Variants in ZBTB38 observed in about 807,000 individuals in gnomAD.
The protein encoded by ZBTB38 is zinc finger and BTB domain-containing protein 38.
A neutral mutation model predicts 76.8 loss-of-function variants in ZBTB38; 20 were observed. That is an observed-to-expected ratio of 0.26 (90% CI 0.18 to 0.38). The LOEUF (loss-of-function observed/expected upper bound fraction) is 0.38, where lower values mean the gene tolerates loss of function less well. Ranked by LOEUF, ZBTB38 falls within the 10% of genes least tolerant of loss-of-function variation. The pLI is 1.00. For missense variants in ZBTB38, 1,082 were observed against 1,482.3 expected (o/e 0.73, Z 4.43); for synonymous variants, 504 against 544.2 (o/e 0.93, Z 1.03).
intron 4 of ZBTB38, among the ~76,000 whole-genome samples, chr3:141,397,144 A>C (rs1033186754): frequency 5.9e-5 from 9 of 152,248 alleles, no homozygotes; most frequent in Non-Finnish European, 1.2e-4. Flanking sequence ...CACCTTCATC[A>C]ATTGTCTTAG....
At position 141,443,678 on chromosome 3, in the gene ZBTB38, T is replaced by G; in HGVS notation, c.1290T>G (p.Ser430=). The change falls in exon 6 of 6, where the codon TCT becomes TCG. Residue 430 remains serine (S), a synonymous_variant. Coordinates refer to ENST00000321464, the MANE Select transcript of ZBTB38 (RefSeq NM_001376113.1). This position sits in a 1 kb window ranked among gnomAD's most constrained non-coding sequence, Gnocchi z 5.6. ...GSFTGPEPLL[S]ENRIGEFSST... ...TCACAGGTCCAGAACCTTTATTATC[T>G]GAAAATAGGATTGGTGAATTTTCCA... The G allele has an allele frequency of 6.2e-7, 1 of 1,614,194 alleles. No individual in the cohort carries two copies. The highest frequency in any genetic ancestry group is 8.5e-7 in the Non-Finnish European group (1 of 1,180,046).
Position 141,381,751 on chromosome 3 carries a change from C to T in ZBTB38, c.-172+264C>T, listed in dbSNP as rs1224164969. Among the ~76,000 whole-genome samples the T allele has an allele frequency of 2.0e-5, 3 of 152,174 alleles. No individual in the cohort carries two copies. The East Asian group carries it at 5.8e-4, about 29-fold the overall frequency. Reference sequence around the variant, plus strand: ...ATTACTGCAAATGAAGCAGGATAGTCAGCTGGCCACCTACACCAGAAGACA... The same window carrying T: ...ATTACTGCAAATGAAGCAGGATAGTTAGCTGGCCACCTACACCAGAAGACA... On this transcript the variant is annotated intron_variant, in intron 3 of 5. Coordinates refer to ENST00000321464, the MANE Select transcript of ZBTB38 (RefSeq NM_001376113.1).
intron 5 of ZBTB38, among the ~76,000 whole-genome samples, chr3:141,412,787 A>G (rs1577191947): frequency 6.7e-6 from 1 of 149,578 alleles, no homozygotes; most frequent in Admixed American, 6.6e-5. Flanking sequence ...TCTCCCTCCC[A>G]CAATTTTTTC....
chr3:141,418,429 A>G (rs1228872579), intron 5 of ZBTB38, among the ~76,000 whole-genome samples: 1 of 152,002 alleles, frequency 6.6e-6, no homozygotes, highest in Non-Finnish European at 1.5e-5. Flanking sequence ...CCTCCCTTGC[A>G]CTGACTCCTG....
chr3:141,425,627 C>T lies in ZBTB38; in HGVS notation c.1-16762C>T, dbSNP rs112684074. On this transcript the variant is annotated intron_variant, in intron 5 of 5. Coordinates refer to ENST00000321464, the MANE Select transcript of ZBTB38 (RefSeq NM_001376113.1). ...GCCTACCACAGGGCATAGCCTGTAC[C>T]CCACACGTGGCAGCCCTGCTCCAGG... is the stretch of plus-strand genomic sequence containing the variant. 1.7e-3 allele frequency among the ~76,000 whole-genome samples: 259 copies of T among 152,336 alleles called. 5 individuals are homozygous for T. The highest frequency in any genetic ancestry group is 6.1e-3 in the African/African-American group (253 of 41,576).
chr3:141,365,739 A>G (rs1253558852), upstream of ZBTB38, among the ~76,000 whole-genome samples: 1 of 152,206 alleles, frequency 6.6e-6, no homozygotes, highest in Non-Finnish European at 1.5e-5. Context: ...GGACAAATGA[A>G]GAATGATACC....
chr3:141,385,765 A>G (rs368677532), intron 3 of ZBTB38, among the ~76,000 whole-genome samples: 4 of 152,248 alleles, frequency 2.6e-5, no homozygotes, highest in Non-Finnish European at 4.4e-5. Flanking sequence ...CCTCACCATT[A>G]CATATTGAAC....
intron 5 of ZBTB38, among the ~76,000 whole-genome samples, chr3:141,425,728 G>A (rs538401952): frequency 1.2e-4 from 19 of 152,228 alleles, no homozygotes; most frequent in Non-Finnish European, 2.6e-4. Flanking sequence ...TAGTTTGGTC[G>A]CTAAATGAAA....
At chr3:141,340,854 G>A (rs112587788) in intron 1 of ZBTB38, among the ~76,000 whole-genome samples, 5,376 of 148,944 alleles carry the variant, frequency 0.036, 117 homozygotes, top group Non-Finnish European at 0.045. Flanking sequence ...CTAAGATTGC[G>A]CAACTGCACT....
rs543533734 is a variant in ZBTB38, at chr3:141,342,685, C to T, written c.-739+18229C>T. On this transcript the variant is annotated intron_variant, in intron 1 of 7. Transcript: ENST00000509842. ...AAACCCTCGTGCAAGAAGTTTAGCCCGAAATAAAAAAACTAGAGAGGGCAA... is the reference window on the plus strand; with the variant it reads ...AAACCCTCGTGCAAGAAGTTTAGCCTGAAATAAAAAAACTAGAGAGGGCAA... Among the ~76,000 whole-genome samples the T allele has an allele frequency of 5.4e-5, 8 of 146,862 alleles. 1 individual carries two copies. In the South Asian group the frequency reaches 1.5e-3, roughly 28 times the overall value.
In ZBTB38 at chr3:141,444,133, G is replaced by A. The variant is rs772878081; in HGVS notation, c.1745G>A (p.Arg582Gln). 2.0e-5 allele frequency: 32 copies of A among 1,613,740 alleles called. No individual in the cohort carries two copies. In the Admixed American group the frequency reaches 2.3e-4, roughly 12 times the overall value. Reference protein sequence around the residue: ...KCKRAPYKSYRNSSYENAREN... With the variant: ...KCKRAPYKSYQNSSYENAREN... ...AAGAGAGCCCCTTATAAGAGCTACC[G>A]AAATTCTTCCTATGAAAATGCACGA... The change falls in exon 6 of 6, where the codon CGA (arginine) becomes CAA (glutamine). Residue 582 changes from arginine to glutamine, a missense_variant. Coordinates refer to ENST00000321464, the MANE Select transcript of ZBTB38 (RefSeq NM_001376113.1). The surrounding 1 kb of genome is among the most constrained non-coding windows in gnomAD (Gnocchi z 5.1).
chr3:141,362,560 G>A (rs112545773), intron 1 of ZBTB38, among the ~76,000 whole-genome samples: 2,682 of 152,292 alleles, frequency 0.018, 37 homozygotes, highest in South Asian at 0.038. Flanking sequence ...AAGTTTAAGT[G>A]TTCCCTGATT....
At chr3:141,433,249 AAAATAATTTTT>A (rs1230470602) in intron 5 of ZBTB38, among the ~76,000 whole-genome samples, 1 of 151,970 alleles carries the variant, frequency 6.6e-6, no homozygotes, top group East Asian at 1.9e-4. Flanking sequence ...TTTATTGAGT[AAAATAATTTTT>A]AAATAATTTC....
At chr3:141,418,233 T>A (rs2074522794) in intron 5 of ZBTB38, among the ~76,000 whole-genome samples, 1 of 152,132 alleles carries the variant, frequency 6.6e-6, no homozygotes, top group Non-Finnish European at 1.5e-5. Flanking sequence ...CCAGGGTTCC[T>A]CCCCATCTCC....
chr3:141,398,212 C>T (rs1950795596), intron 4 of ZBTB38, among the ~76,000 whole-genome samples: 1 of 152,208 alleles, frequency 6.6e-6, no homozygotes. Flanking sequence ...AACCTGTAAA[C>T]TGGGGCCCTA....
At chr3:141,381,051 G>A (rs1045744553) in intron 2 of ZBTB38, among the ~76,000 whole-genome samples, 5 of 152,160 alleles carry the variant, frequency 3.3e-5, no homozygotes, top group African/African-American at 9.7e-5. Context: ...CTTGCTGAAT[G>A]TGTTTTGCCA....
intron 1 of ZBTB38, among the ~76,000 whole-genome samples, chr3:141,345,649 C>T (rs1943330158): frequency 6.6e-6 from 1 of 152,070 alleles, no homozygotes; most frequent in African/African-American, 2.4e-5. Context: ...CTTAGCTTCC[C>T]TGTGTTGGCA....
chr3:141,364,131 A>T (rs774312533), upstream of ZBTB38, among the ~76,000 whole-genome samples: 183 of 149,120 alleles, frequency 1.2e-3, 1 homozygote, highest in Middle Eastern at 0.01. Context: ...TCAAAAATTT[A>T]AAAAAAAAAA....
intron 5 of ZBTB38, among the ~76,000 whole-genome samples, chr3:141,406,264 C>T (rs149407863): frequency 6.6e-6 from 1 of 151,880 alleles, no homozygotes; most frequent in Non-Finnish European, 1.5e-5. Context: ...GGGGGGAGAT[C>T]GGGAGGAGAG....
Sources: gnomAD v4.1 joint callset for allele counts (sites outside exome capture counted in the v4.1 genomes callset) on GRCh38, gnomAD v4.1.1 for gene constraint, Gnocchi (gnomAD v3.1) non-coding constraint, MANE v1.5 for transcripts, NCBI Gene and HGNC (gene_info 2026-07-23, HGNC 2026-07-21) for gene names.